The following PRKAG1 variants were observed in gnomAD, a reference collection of about 807,000 sequenced individuals.
The protein encoded by PRKAG1 is 5'-AMP-activated protein kinase subunit gamma-1.
In PRKAG1, 27 loss-of-function variants were observed where a neutral mutation model predicts 48.2. That is an observed-to-expected ratio of 0.56 (90% CI 0.41 to 0.77). The LOEUF (loss-of-function observed/expected upper bound fraction) is 0.77. Among genes scored for constraint, PRKAG1 ranks in the 30% least tolerant of loss-of-function variants. The pLI, the probability that PRKAG1 is intolerant of heterozygous loss-of-function variation, is 0.00. For missense variants in PRKAG1, 287 were observed against 398.3 expected, an observed-to-expected ratio of 0.72 and a Z score of 2.38; for synonymous variants, 130 against 147.7, an observed-to-expected ratio of 0.88 and a Z score of 0.87.
chr12:49,010,600 G>C (rs962928116), intron 2 of PRKAG1, among the ~76,000 whole-genome samples: 1 of 152,074 alleles, frequency 6.6e-6, no homozygotes, highest in Non-Finnish European at 1.5e-5. Context: ...AATGGGGTAG[G>C]GTGTCTTGGG....
chr12:49,005,700 C>T lies in PRKAG1; in HGVS notation c.168+43G>A. The T allele has an allele frequency of 2.5e-6, 4 of 1,608,066 alleles. No individual in the cohort carries two copies. Among genetic ancestry groups the T allele is most frequent in the Non-Finnish European group, 3.4e-6 (4 of 1,174,660 alleles). ...ATGAGATAGGATGAGAGGTATTAAA[C>T]CACAGGCTCCAAAGGGGGAAGGGAA... On this transcript the variant is annotated intron_variant, in intron 3 of 11. Coordinates refer to ENST00000548065, the MANE Select transcript of PRKAG1 (RefSeq NM_002733.5). This position sits in a 1 kb window ranked among gnomAD's most constrained non-coding sequence, Gnocchi z 4.1.
At chr12:49,008,034 A>G (rs1036116284) in intron 2 of PRKAG1, among the ~76,000 whole-genome samples, 15 of 151,682 alleles carry the variant, frequency 9.9e-5, no homozygotes, top group African/African-American at 3.6e-4. Flanking sequence ...TAAATTTTGT[A>G]TTTTAGTAGA....
intron 11 of PRKAG1, 58 bp downstream of exon 11, chr12:49,003,086 C>T: frequency 6.2e-7 from 1 of 1,613,426 alleles, no homozygotes; most frequent in East Asian, 2.2e-5. Flanking sequence ...CTCTCCTTGC[C>T]AAACCCCACT....
Position 49,005,875 on chromosome 12 carries a change from T to C in PRKAG1, c.59-23A>G. The C allele has an allele frequency of 6.6e-7, 1 of 1,512,548 alleles. No homozygotes were observed. The highest frequency in any genetic ancestry group is 1.4e-5 in the African/African-American group (1 of 71,680). The allele number at this position is 1,512,548 out of a possible 1,614,324, so 93.7% of individuals were successfully genotyped here. Reference sequence around the variant, plus strand: ...TCTCTGCATAGGGTGGGATAGTTAGTAGCTTCCTTCCACATAAAAACTCCC... The same window carrying C: ...TCTCTGCATAGGGTGGGATAGTTAGCAGCTTCCTTCCACATAAAAACTCCC... On this transcript the variant is annotated intron_variant, in intron 2 of 11. Transcript: ENST00000548065. This position sits in a 1 kb window ranked among gnomAD's most constrained non-coding sequence, Gnocchi z 4.1.
intron 1 of PRKAG1, among the ~76,000 whole-genome samples, chr12:49,013,699 C>T (rs1467098571): frequency 1.3e-5 from 2 of 152,142 alleles, no homozygotes; most frequent in Non-Finnish European, 2.9e-5. Flanking sequence ...GTGGAGTAGG[C>T]ATTCAAACAC....
intron 1 of PRKAG1, chr12:49,016,874 T>C (rs1941996208): frequency 3.1e-6 from 1 of 323,068 alleles, no homozygotes; most frequent in South Asian, 2.4e-5. Context: ...TAGCATGGTG[T>C]GTAATACCTT....
chr12:49,014,812 C>A (rs1941904591), intron 1 of PRKAG1, among the ~76,000 whole-genome samples: 1 of 152,208 alleles, frequency 6.6e-6, no homozygotes. Context: ...TGTGCTCCCT[C>A]AAGTGGGAAC....
intron 1 of PRKAG1, among the ~76,000 whole-genome samples, chr12:49,013,516 T>G (rs1375754068): frequency 3.9e-5 from 6 of 152,160 alleles, no homozygotes; most frequent in African/African-American, 1.4e-4. Context: ...AGCACTACGA[T>G]TACAGGCACG....
chr12:49,018,496 G>C, intron 1 of PRKAG1: 1 of 1,394,854 alleles, frequency 7.2e-7, no homozygotes, highest in Non-Finnish European at 9.3e-7. Flanking sequence ...AGGAGTCACT[G>C]CCTGCTTGGG....
In PRKAG1 at chr12:49,002,873, G is replaced by T; in HGVS notation, c.*26C>A. 1 of 1,589,446 alleles carries T rather than the reference G, an allele frequency of 6.3e-7. No individual in the cohort carries two copies. Among genetic ancestry groups the T allele is most frequent in the Non-Finnish European group, 8.6e-7 (1 of 1,158,434 alleles). On this transcript the variant is annotated 3_prime_UTR_variant, in exon 12 of 12. Transcript: ENST00000548065. ...AGGCAGTGAGTTGGGCATATCCCCT[G>T]GTGCTGCATGACCCCTTCCCCCAGC...
intron 2 of PRKAG1, among the ~76,000 whole-genome samples, chr12:49,007,508 A>G (rs1941591680): frequency 6.6e-6 from 1 of 152,168 alleles, no homozygotes; most frequent in Admixed American, 6.5e-5. Flanking sequence ...TTTTAACCAA[A>G]GTTATATAGA....
intron 2 of PRKAG1, among the ~76,000 whole-genome samples, chr12:49,011,645 C>T (rs892757574): frequency 1.3e-5 from 2 of 151,928 alleles, no homozygotes; most frequent in African/African-American, 4.8e-5. Flanking sequence ...AAATCTGCCT[C>T]CCAGGTTCAA....
chr12:49,003,964 GC>G, intron 8 of PRKAG1, 42 bp from the exon 9 acceptor site: 1 of 1,554,662 alleles, frequency 6.4e-7, no homozygotes, highest in South Asian at 1.2e-5. Flanking sequence ...GGCACCCAAA[GC>G]CACCCTTGGA....
rs773252725 is a variant in PRKAG1 at position 49,002,767 on chromosome 12, G to C, written c.*132C>G. The C allele has an allele frequency of 3.6e-5, 31 of 864,850 alleles. No homozygotes were observed. The highest frequency in any genetic ancestry group is 5.3e-5 in the Non-Finnish European group (28 of 532,432). 53.6% of individuals were successfully genotyped at this position (864,850 alleles called of 1,614,324 possible). On this transcript the variant is annotated 3_prime_UTR_variant, in exon 12 of 12. Transcript: ENST00000548065. Reference sequence around the variant, plus strand: ...TCCCCCATACCTTCCCTAGCTCCCAGATAGAAGGGCAGGGGACCCTGAACA... The same window carrying C: ...TCCCCCATACCTTCCCTAGCTCCCACATAGAAGGGCAGGGGACCCTGAACA...
intron 1 of PRKAG1, 115 bp from the exon 2 acceptor site, chr12:49,013,225 C>T: frequency 1.1e-6 from 1 of 920,826 alleles, no homozygotes; most frequent in Non-Finnish European, 1.7e-6. Flanking sequence ...ACTATAAAGC[C>T]ACTGCCCCCG....
chr12:49,016,283 T>C (rs1304664088), intron 1 of PRKAG1, among the ~76,000 whole-genome samples: 1 of 152,224 alleles, frequency 6.6e-6, no homozygotes, highest in African/African-American at 2.4e-5. Flanking sequence ...AAAGTACCAC[T>C]GTACCACGCA....
chr12:49,012,001 G>A (rs537800331), intron 2 of PRKAG1, among the ~76,000 whole-genome samples: 1 of 152,294 alleles, frequency 6.6e-6, no homozygotes, highest in East Asian at 1.9e-4. Context: ...GGGATTACAG[G>A]CATGCAGCTC....
intron 1 of PRKAG1, chr12:49,016,594 T>G (rs1038471774): frequency 1.3e-5 from 2 of 152,786 alleles, no homozygotes; most frequent in African/African-American, 2.4e-5. Flanking sequence ...TAATTTAGGC[T>G]TTTACCTCTC....
intron 1 of PRKAG1, chr12:49,016,707 A>C (rs1486819633): frequency 6.5e-6 from 1 of 154,910 alleles, no homozygotes; most frequent in African/African-American, 2.4e-5. Context: ...AGCATCTCAG[A>C]TTTGGAAGGG....
Sources: gnomAD v4.1 joint callset for allele counts (sites outside exome capture counted in the v4.1 genomes callset) on GRCh38, gnomAD v4.1.1 for gene constraint, Gnocchi (gnomAD v3.1) non-coding constraint, MANE v1.5 for transcripts, NCBI Gene and HGNC (gene_info 2026-07-23, HGNC 2026-07-21) for gene names.